Variants in FSCN2 observed in about 807,000 individuals in gnomAD.
The protein encoded by FSCN2 is fascin actin-bundling protein 2, retinal, also known as fascin-2.
In FSCN2, 46 loss-of-function variants were observed where a neutral mutation model predicts 37.8. That is an observed-to-expected ratio of 1.22 (90% CI 0.96 to 1.56). The LOEUF is 1.56. Among genes scored for constraint, FSCN2 ranks in the 40% most tolerant of loss-of-function variants. The pLI, the probability that FSCN2 is intolerant of heterozygous loss-of-function variation, is 0.00. For synonymous variants in FSCN2, 351 were observed against 309.4 expected (o/e 1.13, Z -1.41); for missense variants, 844 against 730.4 (o/e 1.16, Z -1.79).
At chr17:81,527,758 G>C (rs1555670320), upstream of FSCN2, 1 of 152,194 alleles carries the variant, frequency 6.6e-6, no homozygotes, top group East Asian at 1.9e-4. Flanking sequence ...GCCTGGCCCA[G>C]GGCCTCTGAC....
chr17:81,530,468 A>G (rs1167748554), intron 1 of FSCN2: 3 of 387,028 alleles, frequency 7.8e-6, no homozygotes, highest in Non-Finnish European at 1.5e-5. Context: ...TGGCCCGGGC[A>G]GTCACTACCC....
At position 81,536,818 on chromosome 17, in the gene FSCN2, G is replaced by A. The variant is rs570812493; in HGVS notation, c.1273+29G>A. ...CGTGGCGGGGCGGGTGGGCACGCGG[G>A]AGCGGGGGTGGCAGCGGGCAGGTGG... On this transcript the variant is annotated intron_variant, in intron 4 of 4. Coordinates refer to ENST00000417245, the MANE Select transcript of FSCN2 (RefSeq NM_012418.4). 1.9e-5 allele frequency: 29 copies of A among 1,556,110 alleles called. 1 individual carries two copies. Among genetic ancestry groups the A allele is most frequent in the Middle Eastern group, 3.4e-4 (2 of 5,930 alleles).
intron 1 of FSCN2, among the ~76,000 whole-genome samples, chr17:81,534,850 G>A (rs547842401): frequency 6.6e-6 from 1 of 151,826 alleles, no homozygotes. Flanking sequence ...CTTGGGGACA[G>A]TGTGCAGGGT....
chr17:81,531,435 A>T (rs1426634992), intron 1 of FSCN2, among the ~76,000 whole-genome samples: 6 of 20,436 alleles, frequency 2.9e-4, no homozygotes, highest in African/African-American at 1.1e-3. Flanking sequence ...GATGATGGAG[A>T]TGGTGGTGAT....
the FSCN2 span, among the ~76,000 whole-genome samples, chr17:81,521,974 C>T: frequency 6.6e-6 from 1 of 152,144 alleles, no homozygotes; most frequent in Admixed American, 6.5e-5. Context: ...TCATCTAATC[C>T]AAAATCACGT....
the FSCN2 span, among the ~76,000 whole-genome samples, chr17:81,517,988 G>A: frequency 1.5e-4 from 23 of 152,044 alleles, no homozygotes; most frequent in Admixed American, 1.3e-3. Context: ...GGCAGTGCGC[G>A]TCCTGCAACC....
intron 3 of FSCN2, 31 bp from the exon 4 acceptor site, chr17:81,536,591 G>A (rs1478111446): frequency 1.9e-6 from 3 of 1,604,634 alleles, no homozygotes; most frequent in Admixed American, 3.3e-5. Flanking sequence ...GGTGGCGGGA[G>A]GGGCAGCGCA....
chr17:81,535,910 T>A (rs1475595791), intron 2 of FSCN2, among the ~76,000 whole-genome samples: 2 of 147,198 alleles, frequency 1.4e-5, no homozygotes, highest in African/African-American at 5.1e-5. Context: ...CCACCACCGT[T>A]CCCATCACCT....
intron 1 of FSCN2, chr17:81,530,177 G>A (rs2032504038): frequency 7.0e-6 from 2 of 283,808 alleles, no homozygotes; most frequent in Non-Finnish European, 1.4e-5. Flanking sequence ...GGGATCGGGC[G>A]GGGATAGCAC....
intron 1 of FSCN2, among the ~76,000 whole-genome samples, chr17:81,532,114 CGATGATGGT>C (rs2032673597): frequency 1.7e-4 from 2 of 11,916 alleles, no homozygotes; most frequent in Non-Finnish European, 3.4e-4. Context: ...ATAGTGATGG[CGATGATGGT>C]GATGATAGTG....
rs1056000539 is a variant in FSCN2, at chr17:81,536,623, C to A, written c.1107C>A (p.Gly369=). The A allele has an allele frequency of 6.2e-7, 1 of 1,609,126 alleles. No homozygotes were observed. The highest frequency in any genetic ancestry group is 1.1e-5 in the South Asian group (1 of 91,036). Residue 369 remains glycine, a splice_region_variant and synonymous_variant, in exon 4 of 5, where the codon GGC becomes GGA. Coordinates refer to ENST00000417245, the MANE Select transcript of FSCN2 (RefSeq NM_012418.4). The part of the protein sequence containing the change: ...GQLAAISDFV[G]KDEEFTLKLI... ...CGCAGCAGACGCTCTCCCCGCCAGG[C>A]AAGGACGAAGAGTTCACCCTCAAGC...
At position 81,530,558 on chromosome 17, in the gene FSCN2, G is replaced by T. The variant is rs782043850; in HGVS notation, c.826+1201G>T. 1.4e-5 allele frequency: 7 copies of T among 504,732 alleles called. No homozygotes were observed. In the Admixed American group the frequency reaches 1.4e-4, roughly 10 times the overall value. 31.3% of individuals were successfully genotyped at this position (504,732 alleles called of 1,614,324 possible). On this transcript the variant is annotated intron_variant, in intron 1 of 4. Coordinates refer to ENST00000417245, the MANE Select transcript of FSCN2 (RefSeq NM_012418.4). The stretch of plus-strand genomic sequence containing the variant: ...GCGAGGTGGGGAGAGCCGGGTGCAT[G>T]GAGCTCCTCCTCCCAACTCAGGTCC...
intron 2 of FSCN2, among the ~76,000 whole-genome samples, chr17:81,535,844 C>T (rs1406315391): frequency 8.4e-6 from 1 of 119,698 alleles, no homozygotes; most frequent in African/African-American, 4.9e-5. Context: ...TCCCCATCCC[C>T]ATCTCCATCA....
chr17:81,534,477 G>T (rs569626342), intron 1 of FSCN2, among the ~76,000 whole-genome samples: 10 of 152,200 alleles, frequency 6.6e-5, no homozygotes, highest in African/African-American at 2.4e-4. Flanking sequence ...TCCCCATGCT[G>T]GGCATGGGTG....
At chr17:81,521,146 C>T in the FSCN2 span, among the ~76,000 whole-genome samples, 1 of 152,278 alleles carries the variant, frequency 6.6e-6, no homozygotes, top group African/African-American at 2.4e-5. Context: ...TGGCCCACCG[C>T]AACCTCTCCC....
rs757821237 is a variant in FSCN2, at chr17:81,537,085, G to A, written c.*5G>A. On this transcript the variant is annotated 3_prime_UTR_variant, in exon 5 of 5. Transcript: ENST00000417245. ...ACCGCGCTTTGGGAGTACTGAGGCC[G>A]CGCCCAGACCAGCCTGTCGCGCATT... 430 of 1,431,694 alleles carry A rather than the reference G, an allele frequency of 3.0e-4. No individual in the cohort carries two copies. Among genetic ancestry groups the A allele is most frequent in the Non-Finnish European group, 3.6e-4 (398 of 1,099,242 alleles). 88.7% of individuals were successfully genotyped at this position (1,431,694 alleles called of 1,614,324 possible).
the FSCN2 span, among the ~76,000 whole-genome samples, chr17:81,522,488 G>A: frequency 2.0e-5 from 3 of 152,212 alleles, no homozygotes; most frequent in Non-Finnish European, 4.4e-5. Flanking sequence ...GTGATAAATG[G>A]TCCGTTTCTG....
intron 2 of FSCN2, among the ~76,000 whole-genome samples, chr17:81,535,524 TCCATCACCATCATCA>T (rs2032832719): frequency 2.0e-5 from 1 of 48,974 alleles, no homozygotes; most frequent in East Asian, 7.7e-4. Context: ...CTCCACCATC[TCCATCACCATCATCA>T]CCATCCCCAT....
At chr17:81,525,622 G>A (rs1320756724), upstream of FSCN2, among the ~76,000 whole-genome samples, 2 of 152,048 alleles carry the variant, frequency 1.3e-5, no homozygotes, top group Non-Finnish European at 2.9e-5. Flanking sequence ...CAACTCGGGA[G>A]GCCGAGGCAG....
Sources: allele counts gnomAD v4.1 joint callset (sites outside exome capture counted in the v4.1 genomes callset), GRCh38; gene constraint gnomAD v4.1.1; transcripts MANE v1.5; gene names NCBI Gene and HGNC (gene_info 2026-07-23, HGNC 2026-07-21).